PPARGC1A: variants seen among roughly 807,000 people sequenced by gnomAD.
The protein encoded by PPARGC1A is PPARG coactivator 1 alpha, also known as peroxisome proliferator-activated receptor gamma coactivator 1-alpha.
PPARGC1A carries 25 observed loss-of-function variants against 88.7 expected under a neutral mutation model. The ratio of observed to expected loss-of-function variants is 0.28; its 90% CI spans 0.21 to 0.39. The LOEUF (loss-of-function observed/expected upper bound fraction) is 0.39. Ranked by LOEUF, PPARGC1A falls within the 10% of genes least tolerant of loss-of-function variation. The pLI is 1.00. For missense variants in PPARGC1A, 880 were observed against 968.7 expected (o/e 0.91, Z 1.22); for synonymous variants, 363 against 355.6 (o/e 1.02, Z -0.24).
At chr4:24,254,908 A>AT in the PPARGC1A span, among the ~76,000 whole-genome samples, 1 of 152,110 alleles carries the variant, frequency 6.6e-6, no homozygotes, top group Non-Finnish European at 1.5e-5. Flanking sequence ...AAATCTGTCC[A>AT]TTTTTCAGGG....
chr4:24,326,432 A>G, the PPARGC1A span, among the ~76,000 whole-genome samples: 1 of 152,000 alleles, frequency 6.6e-6, no homozygotes, highest in Non-Finnish European at 1.5e-5. Context: ...ACCTCCCTCC[A>G]CAATCCATTA....
the PPARGC1A span, among the ~76,000 whole-genome samples, chr4:24,258,547 C>A: frequency 1.3e-5 from 2 of 152,122 alleles, no homozygotes; most frequent in Non-Finnish European, 2.9e-5. Context: ...TGAGCCCAGA[C>A]ACCAATATTC....
chr4:24,264,400 G>C, the PPARGC1A span, among the ~76,000 whole-genome samples: 2 of 152,172 alleles, frequency 1.3e-5, no homozygotes, highest in Non-Finnish European at 1.5e-5. Flanking sequence ...AAGGTGACCA[G>C]TGAATGCCAC....
the PPARGC1A span, among the ~76,000 whole-genome samples, chr4:24,281,685 C>T: frequency 2.6e-5 from 4 of 152,174 alleles, no homozygotes; most frequent in African/African-American, 9.7e-5. Flanking sequence ...TGCAATAGCC[C>T]TTTCTTGTCT....
chr4:23,912,152 T>C, the PPARGC1A span, among the ~76,000 whole-genome samples: 7 of 152,232 alleles, frequency 4.6e-5, no homozygotes, highest in East Asian at 3.9e-4. Flanking sequence ...CAAGAGTAGG[T>C]TCTAGAAAAT....
At chr4:24,425,145 T>G in the PPARGC1A span, among the ~76,000 whole-genome samples, 1 of 152,112 alleles carries the variant, frequency 6.6e-6, no homozygotes, top group Non-Finnish European at 1.5e-5. Context: ...TGGCAAAGAA[T>G]CACATGGAAT....
At chr4:23,815,248 C>A (rs1298900196) in intron 7 of PPARGC1A, among the ~76,000 whole-genome samples, 1 of 152,028 alleles carries the variant, frequency 6.6e-6, no homozygotes, top group Non-Finnish European at 1.5e-5. Context: ...AGCAACTCTA[C>A]AACTTAACGG....
At chr4:24,022,935 GATGA>G in the PPARGC1A span, among the ~76,000 whole-genome samples, 1 of 152,122 alleles carries the variant, frequency 6.6e-6, no homozygotes, top group Non-Finnish European at 1.5e-5. Context: ...TTGAAATTGG[GATGA>G]ATAAGACATG....
the PPARGC1A span, among the ~76,000 whole-genome samples, chr4:24,200,643 T>C: frequency 3.6e-5 from 1 of 28,020 alleles, no homozygotes; most frequent in South Asian, 2.1e-3. Flanking sequence ...CCAAAATGTT[T>C]TATTTATTAA....
the PPARGC1A span, among the ~76,000 whole-genome samples, chr4:24,297,445 C>A: frequency 6.6e-6 from 1 of 152,166 alleles, no homozygotes; most frequent in African/African-American, 2.4e-5. Flanking sequence ...TTTTAGCACA[C>A]CTCAAAACAC....
chr4:24,139,774 C>T, the PPARGC1A span, among the ~76,000 whole-genome samples: 1 of 152,146 alleles, frequency 6.6e-6, no homozygotes, highest in Admixed American at 6.5e-5. Flanking sequence ...ATCAGGCAGA[C>T]TGCACGCTCA....
chr4:24,148,768 A>C, the PPARGC1A span, among the ~76,000 whole-genome samples: 1 of 152,198 alleles, frequency 6.6e-6, no homozygotes, highest in African/African-American at 2.4e-5. Flanking sequence ...ACACATAAGA[A>C]ATGTACTTAG....
At chr4:24,387,754 GAGAGAGAGAGAGAGAA>G in the PPARGC1A span, among the ~76,000 whole-genome samples, 243 of 64,226 alleles carry the variant, frequency 3.8e-3, 3 homozygotes, top group African/African-American at 0.015. Context: ...GAAAGAGAGA[GAGAGAGAGAGAGAGAA>G]AGAAAGAAAG....
intron 2 of PPARGC1A, among the ~76,000 whole-genome samples, chr4:23,837,165 A>G (rs1337681299): frequency 2.0e-5 from 3 of 152,156 alleles, no homozygotes; most frequent in Non-Finnish European, 4.4e-5. Flanking sequence ...GGCCAGAAGA[A>G]TTCTCGCTTC....
chr4:23,993,307 A>G, the PPARGC1A span, among the ~76,000 whole-genome samples: 1 of 152,148 alleles, frequency 6.6e-6, no homozygotes, highest in Admixed American at 6.6e-5. Context: ...CAATGACGGA[A>G]CAGAAAAGTA....
chr4:24,463,947 G>A, the PPARGC1A span, among the ~76,000 whole-genome samples: 1 of 152,152 alleles, frequency 6.6e-6, no homozygotes, highest in African/African-American at 2.4e-5. Context: ...CAGCCCTTGG[G>A]TGTTTACCTG....
chr4:23,889,786 T>C (rs1030367261), intron 1 of PPARGC1A, 118 bp downstream of exon 1: 1 of 1,223,706 alleles, frequency 8.2e-7, no homozygotes, highest in Non-Finnish European at 1.1e-6. Context: ...TAAAAGCTCC[T>C]GCCTGGACTA....
intron 7 of PPARGC1A, among the ~76,000 whole-genome samples, chr4:23,814,916 G>A (rs1368028934): frequency 2.6e-5 from 4 of 152,012 alleles, no homozygotes; most frequent in South Asian, 2.1e-4. Flanking sequence ...TGGCCTGCAC[G>A]GAACTAGGCA....
chr4:24,087,689 G>A, the PPARGC1A span, among the ~76,000 whole-genome samples: 1 of 152,232 alleles, frequency 6.6e-6, no homozygotes, highest in Non-Finnish European at 1.5e-5. Flanking sequence ...ATAAGCCACT[G>A]CCATCTCTGT....
Sources: allele counts gnomAD v4.1 joint callset (sites outside exome capture counted in the v4.1 genomes callset), GRCh38; gene constraint gnomAD v4.1.1; transcripts MANE v1.5; gene names NCBI Gene and HGNC (gene_info 2026-07-23, HGNC 2026-07-21).